Variants in NAV1 observed in about 807,000 individuals in gnomAD.
The protein encoded by NAV1 is neuron navigator 1, also known as pore membrane and/or filament interacting like protein 3.
A neutral mutation model predicts 175.2 loss-of-function variants in NAV1; 18 were observed. That is an observed-to-expected ratio of 0.10 (90% CI 0.07 to 0.15). The LOEUF (loss-of-function observed/expected upper bound fraction) is 0.15, where lower values mean the gene tolerates loss of function less well. Ranked by LOEUF, NAV1 falls within the 10% of genes least tolerant of loss-of-function variation. NAV1 has a pLI of 1.00. For missense variants in NAV1, 1,731 were observed against 2,436.6 expected (o/e 0.71, Z 6.10); for synonymous variants, 897 against 978.7 (o/e 0.92, Z 1.56).
chr1:201,634,632 G>C (rs1461016361), intron 2 of NAV1, among the ~76,000 whole-genome samples: 3 of 152,200 alleles, frequency 2.0e-5, no homozygotes, highest in Non-Finnish European at 1.5e-5. Context: ...TTTCTTTAGA[G>C]GAGTACAGGA....
intron 1 of NAV1, among the ~76,000 whole-genome samples, chr1:201,567,853 C>T (rs188352311): frequency 2.8e-4 from 43 of 152,134 alleles, no homozygotes. Context: ...TTGTGAGACC[C>T]CTGCCTGCAC....
At chr1:201,553,046 T>A (rs1665909538) in intron 1 of NAV1, among the ~76,000 whole-genome samples, 1 of 152,252 alleles carries the variant, frequency 6.6e-6, no homozygotes, top group Non-Finnish European at 1.5e-5. Context: ...GCCTATTATC[T>A]GGCCCAGGCT....
rs181323064 is a variant in NAV1 at position 201,631,127 on chromosome 1, C to T, written c.4+1620C>T. 8.5e-5 allele frequency among the ~76,000 whole-genome samples: 13 copies of T among 152,324 alleles called. No homozygotes were observed. The East Asian group carries it at 2.3e-3, about 27-fold the overall frequency. On this transcript the variant is annotated intron_variant, in intron 2 of 29. Coordinates refer to the NAV1 transcript ENST00000367302. Reference sequence around the variant, plus strand: ...AGGGTTTTACCAGAAAAGTGAGAAACACTGGCTTTCTCCAAGGCTCCTAGG... The same window carrying T: ...AGGGTTTTACCAGAAAAGTGAGAAATACTGGCTTTCTCCAAGGCTCCTAGG...
chr1:201,558,732 G>A (rs1262221772), intron 1 of NAV1, among the ~76,000 whole-genome samples: 1 of 152,158 alleles, frequency 6.6e-6, no homozygotes, highest in Non-Finnish European at 1.5e-5. Context: ...TTACAGGCGT[G>A]AGCCACCGCG....
intron 1 of NAV1, among the ~76,000 whole-genome samples, chr1:201,676,796 C>T (rs897391613): frequency 2.6e-5 from 4 of 152,180 alleles, no homozygotes; most frequent in African/African-American, 9.7e-5. Flanking sequence ...GTTTCTGGCA[C>T]TCCATACTTT....
chr1:201,738,509 G>A (rs1354933274), intron 3 of NAV1, among the ~76,000 whole-genome samples: 3 of 152,124 alleles, frequency 2.0e-5, no homozygotes, highest in African/African-American at 7.2e-5. Context: ...TACCCAAAGT[G>A]CATTGACCTG....
exon 30 of NAV1, chr1:201,823,363 C>CGTGTGTGTGTGTGT (rs4025040): frequency 1.0e-4 from 12 of 115,094 alleles, no homozygotes; most frequent in African/African-American, 3.0e-4. Flanking sequence ...CTGATGTCTG[C>CGTGTGTGTGTGTGT]GTGTGTGTGT....
chr1:201,807,889 C>A lies in NAV1; in HGVS notation c.3649-64C>A. The A allele has an allele frequency of 6.6e-7, 1 of 1,524,742 alleles. No individual in the cohort carries two copies. The highest frequency in any genetic ancestry group is 9.0e-7 in the Non-Finnish European group (1 of 1,105,834). The allele number at this position is 1,524,742 out of a possible 1,614,324, so 94.5% of individuals were successfully genotyped here. Reference sequence around the variant, plus strand: ...TCTCTCTGTCTCAGAAGTCTCAATCCAGTCCTCCCCCATCCCAGTAGTGGA... The same window carrying A: ...TCTCTCTGTCTCAGAAGTCTCAATCAAGTCCTCCCCCATCCCAGTAGTGGA... On this transcript the variant is annotated intron_variant, in intron 17 of 29. Transcript: ENST00000367296. This position sits in a 1 kb window ranked among gnomAD's most constrained non-coding sequence, Gnocchi z 5.4.
At chr1:201,541,776 T>C (rs927043406) in intron 1 of NAV1, among the ~76,000 whole-genome samples, 2 of 152,184 alleles carry the variant, frequency 1.3e-5, no homozygotes. Context: ...CTCCATCTTT[T>C]TTTTAAAGGA....
At chr1:201,803,057 C>T (rs989965210) in intron 15 of NAV1, among the ~76,000 whole-genome samples, 1 of 152,210 alleles carries the variant, frequency 6.6e-6, no homozygotes, top group African/African-American at 2.4e-5. Flanking sequence ...CCTTCCTCCC[C>T]TGTTGTAGAA....
At chr1:201,658,798 G>C (rs977058135) in intron 1 of NAV1, among the ~76,000 whole-genome samples, 1 of 152,168 alleles carries the variant, frequency 6.6e-6, no homozygotes, top group African/African-American at 2.4e-5. Flanking sequence ...TCTGCTCCAG[G>C]GAAGATTATT....
At chr1:201,699,622 C>T (rs1671329409) in intron 1 of NAV1, among the ~76,000 whole-genome samples, 2 of 152,184 alleles carry the variant, frequency 1.3e-5, no homozygotes, top group Non-Finnish European at 2.9e-5. Context: ...AAAAAGAGCC[C>T]ACATTGCCAA....
chr1:201,543,500 ATT>A (rs35628400), intron 1 of NAV1, among the ~76,000 whole-genome samples: 72 of 146,892 alleles, frequency 4.9e-4, no homozygotes, highest in Non-Finnish European at 5.2e-4. Flanking sequence ...ATCCCTCTGA[ATT>A]TTTTTTTTTT....
rs573869357 is a variant in NAV1, at chr1:201,718,989, G to A, written c.1226+234G>A. On this transcript the variant is annotated intron_variant, in intron 3 of 29. Coordinates refer to ENST00000367296, the Ensembl canonical transcript of NAV1. The surrounding 1 kb of genome is among the most constrained non-coding windows in gnomAD (Gnocchi z 4.8). ...ACATCCAAGGAGCTGATTGGTCAAT[G>A]AAGGCGCCTCCCTCTCATTGGTCTC... Among the ~76,000 whole-genome samples, 5 of 152,144 alleles carry A rather than the reference G, an allele frequency of 3.3e-5. No homozygotes were observed. The South Asian group carries it at 8.3e-4, about 25-fold the overall frequency.
chr1:201,644,476 G>T (rs1284974146), upstream of NAV1, among the ~76,000 whole-genome samples: 1 of 152,198 alleles, frequency 6.6e-6, no homozygotes, highest in African/African-American at 2.4e-5. Flanking sequence ...TAGAGGGAGA[G>T]GTCACATTAG....
intron 28 of NAV1, among the ~76,000 whole-genome samples, chr1:201,815,202 G>A (rs1440726325): frequency 6.6e-6 from 1 of 151,874 alleles, no homozygotes; most frequent in Non-Finnish European, 1.5e-5. Context: ...AAGAAAATGT[G>A]GTATATATAC....
At chr1:201,678,106 G>A (rs1207953993) in intron 1 of NAV1, among the ~76,000 whole-genome samples, 2 of 152,216 alleles carry the variant, frequency 1.3e-5, no homozygotes, top group Non-Finnish European at 2.9e-5. Flanking sequence ...TCTCAGAAAT[G>A]TATCCTGCCA....
chr1:201,821,416 C>G (rs1173163820), exon 30 of NAV1: 1 of 152,556 alleles, frequency 6.6e-6, no homozygotes. Context: ...GCTCCTTTCC[C>G]ATTGCCTTGA....
chr1:201,788,445 C>A lies in NAV1; in HGVS notation c.2996-23C>A. 1 of 1,613,552 alleles carries A rather than the reference C, an allele frequency of 6.2e-7. No individual in the cohort carries two copies. Reference sequence around the variant, plus strand: ...CCTGCCCTCCTGCTCCCTCTCCTGTCCCCCTTCCCTCTGTCCTTCCAGTGA... The same window carrying A: ...CCTGCCCTCCTGCTCCCTCTCCTGTACCCCTTCCCTCTGTCCTTCCAGTGA... On this transcript the variant is annotated intron_variant, in intron 9 of 29. Transcript: ENST00000367296. The surrounding 1 kb of genome is among the most constrained non-coding windows in gnomAD (Gnocchi z 5.7).
Sources: gnomAD v4.1 joint callset for allele counts (sites outside exome capture counted in the v4.1 genomes callset) on GRCh38, gnomAD v4.1.1 for gene constraint, Gnocchi (gnomAD v3.1) non-coding constraint, MANE v1.5 for transcripts, NCBI Gene and HGNC (gene_info 2026-07-23, HGNC 2026-07-21) for gene names.